Variants in SRRT observed in about 807,000 individuals in gnomAD.
SRRT encodes the protein serrate RNA effector molecule homolog.
A neutral mutation model predicts 103.2 loss-of-function variants in SRRT; 32 were observed. The observed-to-expected ratio is 0.31, with a 90% CI of 0.23 to 0.42. The LOEUF (loss-of-function observed/expected upper bound fraction) is 0.42, where lower values mean the gene tolerates loss of function less well. Ranked by LOEUF, SRRT falls within the 10% of genes least tolerant of loss-of-function variation. The pLI is 1.00. For synonymous variants in SRRT, 525 were observed against 449.0 expected (o/e 1.17, Z -2.14); for missense variants, 986 against 1,207.5 (o/e 0.82, Z 2.72).
rs777384218 is a variant in SRRT, at chr7:100,887,287, G to A, written c.1976-33G>A. 1.2e-6 allele frequency: 2 copies of A among 1,610,378 alleles called. No homozygotes were observed. Among genetic ancestry groups the A allele is most frequent in the East Asian group, 4.5e-5 (2 of 44,790 alleles). Reference sequence around the variant, plus strand: ...CACCATCCTTCCTTCTGGCTCCCTTGCCAACCTTCCTTCCTCTGTTCCCAA... The same window carrying A: ...CACCATCCTTCCTTCTGGCTCCCTTACCAACCTTCCTTCCTCTGTTCCCAA... On this transcript the variant is annotated intron_variant, in intron 15 of 19. Coordinates refer to ENST00000611405, the MANE Select transcript of SRRT (RefSeq NM_015908.6). The surrounding 1 kb of genome is among the most constrained non-coding windows in gnomAD (Gnocchi z 4.1).
intron 2 of SRRT, chr7:100,880,730 C>T (rs1160169194): frequency 6.9e-6 from 3 of 434,080 alleles, no homozygotes; most frequent in Non-Finnish European, 1.4e-5. Context: ...GGGCTGAGTG[C>T]ACTGGTGCAG....
rs1563022819 is a variant in SRRT at position 100,886,205 on chromosome 7, CG to C, written c.1459-38del. 8 of 1,584,380 alleles carry C rather than the reference CG, an allele frequency of 5.0e-6. No individual in the cohort carries two copies. In the East Asian group the frequency reaches 1.6e-4, roughly 31 times the overall value. On this transcript the variant is annotated intron_variant, in intron 12 of 19. Transcript: ENST00000611405. ...TTAGAGCTGCTGTTTCTCTGGCAAG[CG>C]GGGTAAGTGGGGTAAGCTGCTGATG...
rs1584753352 is a variant in SRRT, at chr7:100,885,476, G to A, written c.1317+106G>A. ...ACAGATGCCCCCGTTTCACCTGCTA[G>A]GGAGGCCCCTTCCCCAGGTTCCATG... On this transcript the variant is annotated intron_variant, in intron 10 of 19. Coordinates refer to ENST00000611405, the MANE Select transcript of SRRT (RefSeq NM_015908.6). The surrounding 1 kb of genome is among the most constrained non-coding windows in gnomAD (Gnocchi z 4.8). The A allele has an allele frequency of 7.7e-7, 1 of 1,306,318 alleles. No homozygotes were observed. Among genetic ancestry groups the A allele is most frequent in the Non-Finnish European group, 1.1e-6 (1 of 952,120 alleles). 80.9% of individuals were successfully genotyped at this position (1,306,318 alleles called of 1,614,324 possible).
At position 100,875,262 on chromosome 7, in the gene SRRT, C is replaced by A; in HGVS notation, c.-85C>A. 1 of 592,614 alleles carries A rather than the reference C, an allele frequency of 1.7e-6. No homozygotes were observed. The highest frequency in any genetic ancestry group is 2.3e-6 in the Non-Finnish European group (1 of 427,446). The allele number at this position is 592,614 out of a possible 1,614,324, so 36.7% of individuals were successfully genotyped here. A position where few individuals can be genotyped will look rare whatever the true frequency, so the allele number is the denominator to read the frequency against. On this transcript the variant is annotated 5_prime_UTR_variant, in exon 1 of 20. Coordinates refer to ENST00000611405, the MANE Select transcript of SRRT (RefSeq NM_015908.6). ...CTCCTCGAAGTCCTCGTCGCGCGCC[C>A]GCGACCCAGGTCGCCCTGAAATCTA...
Position 100,886,894 on chromosome 7 carries a change from G to A in SRRT, c.1747G>A (p.Ala583Thr), listed in dbSNP as rs367936513. ...EEELLGSSGG[A>T]PPEEPPKEGN... ...GGAGCTGCTGGGGAGCAGCGGGGGC[G>A]CTCCTCCTGAGGAGCCTCCTAAGGA... Residue 583 changes from alanine (A) to threonine (T), a missense_variant, in exon 14 of 20, where the codon GCT becomes ACT. Physicochemically the swap from Ala to Thr is moderately conservative, Grantham distance 58 (BLOSUM62 0). Coordinates refer to ENST00000611405, the MANE Select transcript of SRRT (RefSeq NM_015908.6). 4 of 1,614,098 alleles carry A rather than the reference G, an allele frequency of 2.5e-6. No individual in the cohort carries two copies. Among genetic ancestry groups the A allele is most frequent in the Non-Finnish European group, 1.7e-6 (2 of 1,180,008 alleles).
At chr7:100,886,217 G>T in intron 12 of SRRT, 30 bp from the exon 13 acceptor site, 1 of 1,599,198 alleles carries the variant, frequency 6.3e-7, no homozygotes, top group South Asian at 1.1e-5. Flanking sequence ...GGGTAAGTGG[G>T]GTAAGCTGCT....
chr7:100,886,055 G>A lies in SRRT; in HGVS notation c.1458+114G>A, dbSNP rs998496277. On this transcript the variant is annotated intron_variant, in intron 12 of 19. Transcript: ENST00000611405. ...TGGTTGTTCTGCACACTCTTTGACC[G>A]TTTTGTCTGGCTACGTTGTCTCTGG... The A allele has an allele frequency of 5.5e-5, 75 of 1,371,908 alleles. 1 individual carries two copies. In the South Asian group the frequency reaches 5.8e-4, roughly 11 times the overall value. 85.0% of individuals were successfully genotyped at this position (1,371,908 alleles called of 1,614,324 possible). A position where few individuals can be genotyped will look rare whatever the true frequency, so the allele number is the denominator to read the frequency against.
In SRRT at chr7:100,882,277, C is replaced by T. The variant is rs1336684115; in HGVS notation, c.587+36C>T. 1.9e-6 allele frequency: 3 copies of T among 1,602,576 alleles called. No homozygotes were observed. The South Asian group carries it at 3.3e-5, about 18-fold the overall frequency. Reference sequence around the variant, plus strand: ...CTACTTCCCTGGACCTCTGCCCTGGCATGTCCCCCTGGCCCCGCTGGTGGA... The same window carrying T: ...CTACTTCCCTGGACCTCTGCCCTGGTATGTCCCCCTGGCCCCGCTGGTGGA... On this transcript the variant is annotated intron_variant, in intron 5 of 19. Coordinates refer to ENST00000611405, the MANE Select transcript of SRRT (RefSeq NM_015908.6). The surrounding 1 kb of genome is among the most constrained non-coding windows in gnomAD (Gnocchi z 4.2).
chr7:100,887,674 G>C lies in SRRT; in HGVS notation c.2170-29G>C, dbSNP rs754272560. On this transcript the variant is annotated intron_variant, in intron 16 of 19. Coordinates refer to ENST00000611405, the MANE Select transcript of SRRT (RefSeq NM_015908.6). The surrounding 1 kb of genome is among the most constrained non-coding windows in gnomAD (Gnocchi z 4.1). ...GGAGCGAGGCAACCCTTATGTGGCT[G>C]TCCTGACCCCTCTCCTCTCTCCACC... 27 of 1,598,386 alleles carry C rather than the reference G, an allele frequency of 1.7e-5. No homozygotes were observed. The highest frequency in any genetic ancestry group is 2.1e-5 in the Non-Finnish European group (25 of 1,167,916).
intron 2 of SRRT, among the ~76,000 whole-genome samples, chr7:100,876,317 A>G (rs1408564855): frequency 6.6e-6 from 1 of 152,046 alleles, no homozygotes; most frequent in Non-Finnish European, 1.5e-5. Flanking sequence ...ACGCCCGTCT[A>G]ATTTTTGTAT....
Position 100,884,094 on chromosome 7 carries a change from T to A in SRRT, c.612T>A (p.Asp204Glu). The change falls in exon 6 of 20, where the codon GAT becomes GAA. Residue 204 changes from aspartate to glutamate, a missense_variant. Physicochemically the swap from Asp to Glu is conservative, Grantham distance 45. Around this residue, in one of 6 missense-constraint regions of SRRT, gnomAD observed 274 missense variants for 358.5 expected, o/e 0.76. Coordinates refer to ENST00000611405, the MANE Select transcript of SRRT (RefSeq NM_015908.6). ...GGTTTCGGTCTAAGTACCACCCAGATGAGGTGGGGAAGCGTCGGCAGGAGG... is the reference window on the plus strand; with the variant it reads ...GGTTTCGGTCTAAGTACCACCCAGAAGAGGTGGGGAAGCGTCGGCAGGAGG... ...EEWFRSKYHPDEVGKRRQEAR... is the reference protein window; with the variant it reads ...EEWFRSKYHPEEVGKRRQEAR... 1 of 1,603,326 alleles carries A rather than the reference T, an allele frequency of 6.2e-7. No homozygotes were observed. Among genetic ancestry groups the A allele is most frequent in the Admixed American group, 1.8e-5 (1 of 55,464 alleles).
rs1341786349 is a variant in SRRT, at chr7:100,885,055, C to T, written c.1159+15C>T. On this transcript the variant is annotated intron_variant, in intron 9 of 19. Transcript: ENST00000611405. This position sits in a 1 kb window ranked among gnomAD's most constrained non-coding sequence, Gnocchi z 4.8. ...GGAGGAGGCCGGTAGGGTTTCTTTT[C>T]TGCTTTAAAGTGCGTTCTCCTAATG... 6.2e-7 allele frequency: 1 copy of T among 1,613,458 alleles called. No homozygotes were observed. The highest frequency in any genetic ancestry group is 1.3e-5 in the African/African-American group (1 of 74,850).
chr7:100,886,467 G>A (rs779398630), intron 13 of SRRT, 32 bp downstream of exon 13: 1 of 1,584,418 alleles, frequency 6.3e-7, no homozygotes. Flanking sequence ...TTTGTCAGAA[G>A]CAACTGGTAG....
intron 2 of SRRT, among the ~76,000 whole-genome samples, chr7:100,877,819 C>CAAG (rs1408703489): frequency 6.6e-6 from 1 of 152,098 alleles, no homozygotes; most frequent in Non-Finnish European, 1.5e-5. Flanking sequence ...TTGTCTTGAG[C>CAAG]AAGAGTACGC....
At chr7:100,881,223 G>A (rs1816285247) in intron 2 of SRRT, 62 bp from the exon 3 acceptor site, 1 of 1,557,748 alleles carries the variant, frequency 6.4e-7, no homozygotes, top group African/African-American at 1.4e-5. Flanking sequence ...AAAAGTGCTT[G>A]GATTACAGGC....
Position 100,886,427 on chromosome 7 carries a change from C to T in SRRT, c.1639C>T (p.Leu547=), listed in dbSNP as rs1487824013. The change falls in exon 13 of 20, where the codon CTG becomes TTG. Residue 547 remains leucine, a synonymous_variant. Coordinates refer to ENST00000611405, the MANE Select transcript of SRRT (RefSeq NM_015908.6). ...LWASEPGTPP[L]PTSLPSQNPI... ...GGCCTCAGAACCAGGGACGCCTCCCCTGCCCACGGTCAGTGACTCCCCAAA... is the reference window on the plus strand; with the variant it reads ...GGCCTCAGAACCAGGGACGCCTCCCTTGCCCACGGTCAGTGACTCCCCAAA... 6.2e-7 allele frequency: 1 copy of T among 1,611,608 alleles called. No homozygotes were observed. Among genetic ancestry groups the T allele is most frequent in the African/African-American group, 1.3e-5 (1 of 74,858 alleles).
intron 2 of SRRT, among the ~76,000 whole-genome samples, chr7:100,878,004 A>G (rs1036352663): frequency 2.0e-5 from 3 of 152,194 alleles, no homozygotes; most frequent in Non-Finnish European, 4.4e-5. Flanking sequence ...GATGAAGTAG[A>G]ACTTTCCAGT....
At position 100,882,054 on chromosome 7, in the gene SRRT, C is replaced by A; in HGVS notation, c.400C>A (p.Leu134Met). The change falls in exon 5 of 20, where the codon CTG becomes ATG. Residue 134 changes from leucine (L) to methionine (M), a missense_variant and splice_region_variant. Coordinates refer to ENST00000611405, the MANE Select transcript of SRRT (RefSeq NM_015908.6). The surrounding 1 kb of genome is among the most constrained non-coding windows in gnomAD (Gnocchi z 4.2). ...QHHVLPIQAR[L>M]GSIAEIDLGV... ...CTTCCTGACCGGGGTCCCCTCCAGG[C>A]TGGGCAGCATTGCAGAGATTGACCT... 1 of 1,612,396 alleles carries A rather than the reference C, an allele frequency of 6.2e-7. No individual in the cohort carries two copies. The highest frequency in any genetic ancestry group is 8.5e-7 in the Non-Finnish European group (1 of 1,179,196).
Position 100,888,381 on chromosome 7 carries a change from C to T in SRRT, c.2553C>T (p.Asn851=), listed in dbSNP as rs752697669. The change falls in exon 19 of 20, where the codon AAC becomes AAT. Residue 851 remains asparagine, a splice_region_variant and synonymous_variant. Transcript: ENST00000611405. The part of the protein sequence containing the change: ...GQGGYPGKPR[N]RMVRGDPRAI... ...GAGGTTATCCTGGGAAACCTCGCAA[C>T]AGGTGAGGAGGGCAGACGCCCAAGC... is the stretch of plus-strand genomic sequence containing the variant. The T allele has an allele frequency of 6.2e-7, 1 of 1,613,766 alleles. No individual in the cohort carries two copies. Among genetic ancestry groups the T allele is most frequent in the Admixed American group, 1.7e-5 (1 of 59,996 alleles).
Sources: gnomAD v4.1 joint callset for allele counts (sites outside exome capture counted in the v4.1 genomes callset) on GRCh38, gnomAD v4.1.1 for gene constraint, gnomAD v4.1.1 regional missense constraint, Gnocchi (gnomAD v3.1) non-coding constraint, MANE v1.5 for transcripts, NCBI Gene and HGNC (gene_info 2026-07-23, HGNC 2026-07-21) for gene names.